COL5A2: variants seen among roughly 807,000 people sequenced by gnomAD.
COL5A2 encodes the protein collagen type V alpha 2 chain.
In COL5A2, 23 loss-of-function variants were observed where a neutral mutation model predicts 208.2. The ratio of observed to expected loss-of-function variants is 0.11; its 90% CI spans 0.08 to 0.16. COL5A2 has a LOEUF of 0.16. COL5A2 is among the 10% of genes least tolerant of loss of function. COL5A2 has a pLI of 1.00. For missense variants in COL5A2, 1,590 were observed against 1,956.4 expected, an observed-to-expected ratio of 0.81 and a Z score of 3.53; for synonymous variants, 625 against 628.5, an observed-to-expected ratio of 0.99 and a Z score of 0.08.
the COL5A2 span, among the ~76,000 whole-genome samples, chr2:189,266,348 C>G: frequency 6.6e-6 from 1 of 151,898 alleles, no homozygotes; most frequent in Non-Finnish European, 1.5e-5. Flanking sequence ...ATTGCCTGAA[C>G]CTGGGAGGCG....
At chr2:189,419,989 G>A in the COL5A2 span, among the ~76,000 whole-genome samples, 16 of 145,022 alleles carry the variant, frequency 1.1e-4, no homozygotes, top group Admixed American at 8.3e-4. Context: ...GGAAGAGGAG[G>A]AGGAGAGGAG....
At chr2:189,226,755 A>T (rs565152723), upstream of COL5A2, among the ~76,000 whole-genome samples, 1 of 152,122 alleles carries the variant, frequency 6.6e-6, no homozygotes, top group Non-Finnish European at 1.5e-5. Flanking sequence ...GGAAAGAGAA[A>T]AGTGGAACAC....
the COL5A2 span, among the ~76,000 whole-genome samples, chr2:189,419,164 A>C: frequency 6.6e-6 from 1 of 152,156 alleles, no homozygotes; most frequent in Non-Finnish European, 1.5e-5. Flanking sequence ...GATGACCTCA[A>C]TAATGTCCCT....
At chr2:189,098,320 T>C (rs975563320) in intron 5 of COL5A2, among the ~76,000 whole-genome samples, 1 of 152,208 alleles carries the variant, frequency 6.6e-6, no homozygotes, top group Non-Finnish European at 1.5e-5. Flanking sequence ...ATAAATATGC[T>C]CTCCTGCTGT....
At chr2:189,373,217 T>C in the COL5A2 span, among the ~76,000 whole-genome samples, 1 of 152,144 alleles carries the variant, frequency 6.6e-6, no homozygotes, top group African/African-American at 2.4e-5. Flanking sequence ...AAAATATGAC[T>C]CTTGTAATTT....
intron 22 of COL5A2, 54 bp downstream of exon 22, chr2:189,066,675 T>A: frequency 6.8e-7 from 1 of 1,465,760 alleles, no homozygotes; most frequent in South Asian, 1.1e-5. Flanking sequence ...TTTTGAGCTG[T>A]ACACTTCCAG....
At chr2:189,362,773 ACAGAG>A in the COL5A2 span, among the ~76,000 whole-genome samples, 6 of 152,266 alleles carry the variant, frequency 3.9e-5, no homozygotes, top group South Asian at 1.2e-3. Context: ...AAAGAGTAGA[ACAGAG>A]CAAACAACAT....
At chr2:189,365,930 C>G in the COL5A2 span, among the ~76,000 whole-genome samples, 1 of 152,138 alleles carries the variant, frequency 6.6e-6, no homozygotes, top group African/African-American at 2.4e-5. Context: ...AGTGCATAAT[C>G]CAAAGATGAA....
upstream of COL5A2, among the ~76,000 whole-genome samples, chr2:189,183,004 T>C (rs13014478): frequency 0.99 from 150,765 of 152,256 alleles, 74,663 homozygotes; most frequent in Middle Eastern, 1. Flanking sequence ...TCACTAATAG[T>C]CAATCTTGAA....
chr2:189,343,174 A>G, the COL5A2 span, among the ~76,000 whole-genome samples: 1 of 144,840 alleles, frequency 6.9e-6, no homozygotes, highest in African/African-American at 2.9e-5. Flanking sequence ...CTCTCGTGTT[A>G]AAAAAAACAG....
intron 1 of COL5A2, among the ~76,000 whole-genome samples, chr2:189,202,020 A>G (rs560048735): frequency 1.3e-5 from 2 of 151,550 alleles, no homozygotes; most frequent in Admixed American, 6.6e-5. Context: ...TAATAAATAT[A>G]TATTCATAGA....
intron 1 of COL5A2, among the ~76,000 whole-genome samples, chr2:189,187,613 T>A (rs1470064444): frequency 6.6e-6 from 1 of 152,164 alleles, no homozygotes. Flanking sequence ...TAAGTGCTGG[T>A]TAAATAAAAA....
chr2:189,078,480 C>T (rs375879756), intron 16 of COL5A2, 36 bp downstream of exon 16: 45 of 1,512,872 alleles, frequency 3.0e-5, no homozygotes, highest in African/African-American at 6.9e-5. Context: ...TTGAAATACA[C>T]ATCTCAGCAG....
intron 30 of COL5A2, 27 bp from the exon 31 acceptor site, chr2:189,060,810 T>C: frequency 6.3e-7 from 1 of 1,588,730 alleles, no homozygotes. Flanking sequence ...AAAATAAAAT[T>C]GTGAATCTGT....
chr2:189,041,824 ATAAAT>A, intron 49 of COL5A2, 131 bp from the exon 50 acceptor site: 1 of 643,860 alleles, frequency 1.6e-6, no homozygotes, highest in Non-Finnish European at 2.8e-6. Flanking sequence ...TTACTGATTA[ATAAAT>A]GAACTTCTGG....
At chr2:189,359,049 T>C in the COL5A2 span, among the ~76,000 whole-genome samples, 2 of 152,198 alleles carry the variant, frequency 1.3e-5, no homozygotes, top group Non-Finnish European at 2.9e-5. Context: ...TTTCCCAATT[T>C]GAATACCATT....
the COL5A2 span, among the ~76,000 whole-genome samples, chr2:189,439,680 T>C: frequency 2.0e-5 from 3 of 152,214 alleles, no homozygotes; most frequent in Non-Finnish European, 2.9e-5. Context: ...AAATGACTTA[T>C]CTTTCTGGGC....
the COL5A2 span, among the ~76,000 whole-genome samples, chr2:189,301,070 T>A: frequency 4.7e-4 from 72 of 151,808 alleles, no homozygotes; most frequent in Non-Finnish European, 9.0e-4. Context: ...ATCTATAGTT[T>A]CAGCTACTCA....
chr2:189,058,320 A>C (rs141594832), intron 33 of COL5A2, 109 bp downstream of exon 33: 1 of 904,636 alleles, frequency 1.1e-6, no homozygotes, highest in Admixed American at 2.0e-5. Flanking sequence ...AAAATGATAT[A>C]ATCAAATTAT....
Sources: allele counts gnomAD v4.1 joint callset (sites outside exome capture counted in the v4.1 genomes callset), GRCh38; gene constraint gnomAD v4.1.1; transcripts MANE v1.5; gene names NCBI Gene and HGNC (gene_info 2026-07-23, HGNC 2026-07-21).